Variants in ZFHX3 observed in about 807,000 individuals in gnomAD.
ZFHX3 encodes zinc finger homeobox 3, also known as zinc finger homeobox protein 3.
Under a neutral mutation model 279.1 loss-of-function variants are expected in ZFHX3, and 42 were observed. That is an observed-to-expected ratio of 0.15 (90% CI 0.12 to 0.19). The LOEUF is 0.19. Ranked by LOEUF, ZFHX3 falls within the 10% of genes least tolerant of loss-of-function variation. The pLI is 1.00. For synonymous variants in ZFHX3, 2,293 were observed against 1,957.8 expected, an observed-to-expected ratio of 1.17 and a Z score of -4.52; for missense variants, 4,981 against 4,754.0, an observed-to-expected ratio of 1.05 and a Z score of -1.40.
chr16:73,385,977 T>C (rs1397259912), intron 3 of ZFHX3, among the ~76,000 whole-genome samples: 1 of 151,206 alleles, frequency 6.6e-6, no homozygotes, highest in African/African-American at 2.4e-5. Context: ...TTGACCAAGA[T>C]GTGTGAAATG....
rs2019622313 is a variant in ZFHX3 at position 73,522,389 on chromosome 16, T to C, written c.-1546-66131A>G. On this transcript the variant is annotated intron_variant, in intron 2 of 17. Transcript: ENST00000641206. ...ATTCTGATTTCCACAGAGGTTTCTC[T>C]TTGTCTAACTTGAAATCGGGTCTGC... is the stretch of plus-strand genomic sequence containing the variant. 2.6e-5 allele frequency among the ~76,000 whole-genome samples: 4 copies of C among 152,196 alleles called. No individual in the cohort carries two copies. In the South Asian group the frequency reaches 8.3e-4, roughly 31 times the overall value.
chr16:72,898,241 T>C (rs1008198413), intron 3 of ZFHX3, among the ~76,000 whole-genome samples: 2 of 152,128 alleles, frequency 1.3e-5, no homozygotes, highest in African/African-American at 4.8e-5. Flanking sequence ...CACCATAAGA[T>C]AGAAGCCCCA....
intron 4 of ZFHX3, among the ~76,000 whole-genome samples, chr16:72,840,643 T>C (rs960209840): frequency 2.0e-5 from 3 of 152,232 alleles, no homozygotes; most frequent in Admixed American, 6.5e-5. Context: ...TTGGATTCCC[T>C]GTTTGCCACC....
chr16:72,957,700 C>A lies in ZFHX3; in HGVS notation c.2446G>T (p.Ala816Ser). 6.2e-7 allele frequency: 1 copy of A among 1,614,158 alleles called. No homozygotes were observed. The highest frequency in any genetic ancestry group is 8.5e-7 in the Non-Finnish European group (1 of 1,180,042). ...GTCATGTGAATGCGGAGGTTCCTGG[C>A]CACGTTGGTCTCATAATCACACACC... Reference protein sequence around the residue: ...CEVCDYETNVARNLRIHMTSE... With the variant: ...CEVCDYETNVSRNLRIHMTSE... The change falls in exon 2 of 10, where the codon GCC (alanine) becomes TCC (serine). Residue 816 changes from alanine (A) to serine (S), a missense_variant. Physicochemically the swap from Ala to Ser is moderately conservative, Grantham distance 99 (BLOSUM62 1). Transcript: ENST00000268489.
chr16:73,494,524 T>G (rs2143652244), intron 2 of ZFHX3, among the ~76,000 whole-genome samples: 1 of 152,228 alleles, frequency 6.6e-6, no homozygotes, highest in African/African-American at 2.4e-5. Flanking sequence ...TTGTTCTGTG[T>G]ATATTAAAAC....
chr16:73,178,981 C>T (rs908520496), intron 5 of ZFHX3, among the ~76,000 whole-genome samples: 10 of 152,172 alleles, frequency 6.6e-5, no homozygotes, highest in African/African-American at 2.2e-4. Context: ...AAATGAAAGT[C>T]AAATTGAGTG....
At chr16:73,305,160 C>T (rs74030051) in intron 4 of ZFHX3, among the ~76,000 whole-genome samples, 1 of 152,136 alleles carries the variant, frequency 6.6e-6, no homozygotes, top group Non-Finnish European at 1.5e-5. Flanking sequence ...GCATGAGCTG[C>T]CAACATGAGG....
At chr16:73,624,237 C>T (rs965894855) in intron 2 of ZFHX3, among the ~76,000 whole-genome samples, 2 of 151,926 alleles carry the variant, frequency 1.3e-5, no homozygotes, top group Admixed American at 6.6e-5. Context: ...CATGAAGTTC[C>T]AAGAAAGGAA....
intron 1 of ZFHX3, among the ~76,000 whole-genome samples, chr16:73,874,979 C>G (rs981788541): frequency 1.3e-5 from 2 of 152,172 alleles, no homozygotes; most frequent in Non-Finnish European, 2.9e-5. Context: ...TGTATATTCA[C>G]TACATTGAAG....
rs547434631 is a variant in ZFHX3 at position 73,414,835 on chromosome 16, G to GAAACA, written c.-1291+41163_-1291+41167dup. 4.3e-3 allele frequency among the ~76,000 whole-genome samples: 656 copies of GAAACA among 152,260 alleles called. 4 individuals carry two copies. The highest frequency in any genetic ancestry group is 5.2e-3 in the South Asian group (25 of 4,826). On this transcript the variant is annotated intron_variant, in intron 3 of 17. Transcript: ENST00000641206. ...TGGGTGATAGAGTGAGATCCCGTCTGAAACAAAACAAAACAAAACAAGAGG... is the reference window on the plus strand; with the variant it reads ...TGGGTGATAGAGTGAGATCCCGTCTGAAACAAAACAAAACAAAACAAAACAAGAGG...
chr16:73,548,269 G>C (rs1770231818), intron 2 of ZFHX3, among the ~76,000 whole-genome samples: 2 of 152,172 alleles, frequency 1.3e-5, no homozygotes, highest in Non-Finnish European at 2.9e-5. Context: ...ATCCTTAAAT[G>C]CCACACGGCT....
intron 4 of ZFHX3, among the ~76,000 whole-genome samples, chr16:73,281,439 C>T (rs1389373489): frequency 1.3e-5 from 2 of 152,090 alleles, no homozygotes; most frequent in Non-Finnish European, 2.9e-5. Context: ...CAGAGAGTAG[C>T]ATGGTGGTTG....
At chr16:73,390,021 C>T (rs529937050) in intron 3 of ZFHX3, among the ~76,000 whole-genome samples, 2 of 152,272 alleles carry the variant, frequency 1.3e-5, no homozygotes, top group East Asian at 1.9e-4. Context: ...GATTGCACCA[C>T]TGCACTCCAG....
At chr16:73,046,824 G>A (rs1329575231) in intron 1 of ZFHX3, among the ~76,000 whole-genome samples, 1 of 151,160 alleles carries the variant, frequency 6.6e-6, no homozygotes, top group Admixed American at 6.6e-5. Context: ...TGCCCAGGCA[G>A]AGCCATCTGT....
chr16:73,528,968 T>A (rs554732830), intron 2 of ZFHX3, among the ~76,000 whole-genome samples: 1 of 152,182 alleles, frequency 6.6e-6, no homozygotes, highest in Admixed American at 6.5e-5. Flanking sequence ...CCCAGTTCCA[T>A]AACATGTTTA....
chr16:72,874,162 T>C (rs1267218990), intron 4 of ZFHX3, among the ~76,000 whole-genome samples: 1 of 151,442 alleles, frequency 6.6e-6, no homozygotes, highest in Non-Finnish European at 1.5e-5. Context: ...CCAGCCTCAC[T>C]TTCTTGTGCC....
intron 4 of ZFHX3, among the ~76,000 whole-genome samples, chr16:72,876,704 A>T (rs2143997458): frequency 6.6e-6 from 1 of 152,338 alleles, no homozygotes; most frequent in East Asian, 1.9e-4. Context: ...CTGGAAGAAA[A>T]CAAATGTGAA....
chr16:73,626,659 T>C (rs1361162527), intron 2 of ZFHX3, among the ~76,000 whole-genome samples: 5 of 152,162 alleles, frequency 3.3e-5, no homozygotes. Context: ...TCTGGAATGC[T>C]GTCCCTCTTT....
intron 3 of ZFHX3, among the ~76,000 whole-genome samples, chr16:72,946,177 T>C (rs1960664167): frequency 6.6e-6 from 1 of 152,166 alleles, no homozygotes; most frequent in South Asian, 2.1e-4. Flanking sequence ...GCAGACATCC[T>C]CTATGTGGAG....
Sources: allele counts gnomAD v4.1 joint callset (sites outside exome capture counted in the v4.1 genomes callset), GRCh38; gene constraint gnomAD v4.1.1; transcripts MANE v1.5; gene names NCBI Gene and HGNC (gene_info 2026-07-23, HGNC 2026-07-21).